NPAS3: variants seen among roughly 807,000 people sequenced by gnomAD.
NPAS3 encodes neuronal PAS domain-containing protein 3.
Under a neutral mutation model 73.1 loss-of-function variants are expected in NPAS3, and 14 were observed. The observed-to-expected ratio is 0.19, with a 90% CI of 0.13 to 0.30. The LOEUF (loss-of-function observed/expected upper bound fraction) is 0.30. Among genes scored for constraint, NPAS3 ranks in the 10% least tolerant of loss-of-function variants. NPAS3 has a pLI of 1.00. For synonymous variants in NPAS3, 620 were observed against 541.5 expected, an observed-to-expected ratio of 1.14 and a Z score of -2.01; for missense variants, 1,096 against 1,250.0, an observed-to-expected ratio of 0.88 and a Z score of 1.86.
rs529154707 is a variant in NPAS3 at position 33,740,170 on chromosome 14, G to A, written c.852+4838G>A. 3.3e-5 allele frequency among the ~76,000 whole-genome samples: 5 copies of A among 152,172 alleles called. No individual in the cohort carries two copies. The South Asian group carries it at 1.0e-3, about 32-fold the overall frequency. On this transcript the variant is annotated intron_variant, in intron 7 of 11. Transcript: ENST00000356141. ...AGGCATCTTTTTTCCATTTTATGATGTACTTTCATATAATATCATCTGAAC... is the reference window on the plus strand; with the variant it reads ...AGGCATCTTTTTTCCATTTTATGATATACTTTCATATAATATCATCTGAAC...
chr14:33,381,848 T>C (rs1436517532), intron 4 of NPAS3, among the ~76,000 whole-genome samples: 1 of 152,116 alleles, frequency 6.6e-6, no homozygotes, highest in Non-Finnish European at 1.5e-5. Context: ...TTGAGGAAAA[T>C]GACATGGCTC....
At chr14:33,612,754 A>T (rs1026014885) in intron 5 of NPAS3, among the ~76,000 whole-genome samples, 1 of 152,212 alleles carries the variant, frequency 6.6e-6, no homozygotes, top group Non-Finnish European at 1.5e-5. Context: ...TCCCTCCCGT[A>T]AACTGGTGAT....
intron 5 of NPAS3, among the ~76,000 whole-genome samples, chr14:33,622,015 G>T (rs1431417855): frequency 1.3e-5 from 2 of 152,284 alleles, no homozygotes; most frequent in Non-Finnish European, 2.9e-5. Flanking sequence ...AAATTTTAAT[G>T]ACTCTGAAAG....
At chr14:33,662,375 A>G (rs762282822) in intron 5 of NPAS3, among the ~76,000 whole-genome samples, 11 of 152,236 alleles carry the variant, frequency 7.2e-5, no homozygotes, top group Non-Finnish European at 1.5e-5. Context: ...TGGTCAAGTA[A>G]AAAGACAACA....
rs368197781 is a variant in NPAS3 at position 33,571,278 on chromosome 14, A to C, written c.558+11068A>C. Among the ~76,000 whole-genome samples, 64 of 152,274 alleles carry C rather than the reference A, an allele frequency of 4.2e-4. 1 individual carries two copies. Among genetic ancestry groups the C allele is most frequent in the African/African-American group, 1.5e-3 (63 of 41,560 alleles). Reference sequence around the variant, plus strand: ...CTTCATTTTTCTTAAGTGTGAAACGAAAGGGCAATTTCTCAGGCTCCTTCT... The same window carrying C: ...CTTCATTTTTCTTAAGTGTGAAACGCAAGGGCAATTTCTCAGGCTCCTTCT... On this transcript the variant is annotated intron_variant, in intron 5 of 11. Transcript: ENST00000356141.
Position 33,784,751 on chromosome 14 carries a change from T to TTTTTTA in NPAS3, c.1153+6184_1153+6185insATTTTT, listed in dbSNP as rs1555333521. 8.2e-3 allele frequency among the ~76,000 whole-genome samples: 946 copies of TTTTTTA among 114,762 alleles called. 33 individuals carry two copies. The highest frequency in any genetic ancestry group is 0.035 in the African/African-American group (899 of 25,798). 75.3% of individuals were successfully genotyped at this position (114,762 alleles called of 152,430 possible). A position where few individuals can be genotyped will look rare whatever the true frequency, so the allele number is the denominator to read the frequency against. On this transcript the variant is annotated intron_variant, in intron 9 of 11. Coordinates refer to ENST00000356141, the Ensembl canonical transcript of NPAS3. ...TTTATTTATTTATTTATTTATTTTT[T>TTTTTTA]TTTTTTTTTTTTTTTTGAGACAGAG...
intron 2 of NPAS3, among the ~76,000 whole-genome samples, chr14:33,078,732 A>G (rs2041760453): frequency 6.6e-6 from 1 of 152,188 alleles, no homozygotes; most frequent in Non-Finnish European, 1.5e-5. Flanking sequence ...GGTAGAAGAA[A>G]TTCTTGGAGA....
intron 4 of NPAS3, among the ~76,000 whole-genome samples, chr14:33,556,514 A>G (rs1218925683): frequency 3.3e-5 from 5 of 152,218 alleles, no homozygotes; most frequent in African/African-American, 1.2e-4. Context: ...ACTGGATTTC[A>G]TAAATCTTGA....
At chr14:33,247,347 A>G (rs1453365768) in intron 3 of NPAS3, among the ~76,000 whole-genome samples, 1 of 152,214 alleles carries the variant, frequency 6.6e-6, no homozygotes, top group Non-Finnish European at 1.5e-5. Flanking sequence ...CTGATTATGA[A>G]TAGACGGTAT....
chr14:33,624,976 A>C (rs1268082676), intron 5 of NPAS3, among the ~76,000 whole-genome samples: 1 of 152,200 alleles, frequency 6.6e-6, no homozygotes, highest in Non-Finnish European at 1.5e-5. Flanking sequence ...GTATTATATT[A>C]AATTAGTGGT....
intron 1 of NPAS3, among the ~76,000 whole-genome samples, chr14:32,986,984 G>T (rs2139439199): frequency 6.6e-6 from 1 of 152,314 alleles, no homozygotes; most frequent in Non-Finnish European, 1.5e-5. Flanking sequence ...TGTTTTCAGT[G>T]CAGAGGGCTT....
chr14:33,045,912 T>G (rs973784518), intron 1 of NPAS3, among the ~76,000 whole-genome samples: 1 of 152,152 alleles, frequency 6.6e-6, no homozygotes. Flanking sequence ...ATATAGAGGA[T>G]CTGGACCATA....
chr14:33,499,099 C>T (rs901789634), intron 4 of NPAS3, among the ~76,000 whole-genome samples: 30 of 151,650 alleles, frequency 2.0e-4, no homozygotes, highest in Non-Finnish European at 3.1e-4. Context: ...AAGTCATTAA[C>T]ACTGTAGGAA....
chr14:33,028,844 G>A (rs189247168), intron 1 of NPAS3, among the ~76,000 whole-genome samples: 64 of 152,276 alleles, frequency 4.2e-4, no homozygotes, highest in African/African-American at 1.5e-3. Flanking sequence ...TTTCATTTAA[G>A]TTCCAGTATA....
intron 4 of NPAS3, among the ~76,000 whole-genome samples, chr14:33,490,489 C>T (rs1315575515): frequency 1.3e-5 from 2 of 152,058 alleles, no homozygotes; most frequent in African/African-American, 2.4e-5. Flanking sequence ...TTGTTAATGC[C>T]GTTCATTAAT....
intron 2 of NPAS3, among the ~76,000 whole-genome samples, chr14:33,091,806 G>T (rs1289983245): frequency 6.6e-6 from 1 of 152,080 alleles, no homozygotes; most frequent in African/African-American, 2.4e-5. Flanking sequence ...GGGATTCAAG[G>T]CTGGTTCAAC....
At chr14:32,954,838 T>C (rs1233535619) in intron 1 of NPAS3, among the ~76,000 whole-genome samples, 1 of 152,172 alleles carries the variant, frequency 6.6e-6, no homozygotes, top group Non-Finnish European at 1.5e-5. Flanking sequence ...ATAAATAGGT[T>C]GACCAAAAGT....
intron 1 of NPAS3, among the ~76,000 whole-genome samples, chr14:32,968,776 T>TTA (rs2037298277): frequency 6.6e-6 from 1 of 151,150 alleles, no homozygotes. Context: ...TTCTTTCTTT[T>TTA]TTTTTTTTTA....
At chr14:33,457,367 A>G (rs542081975) in intron 4 of NPAS3, among the ~76,000 whole-genome samples, 3 of 152,356 alleles carry the variant, frequency 2.0e-5, no homozygotes, top group South Asian at 2.1e-4. Flanking sequence ...AACACATGTT[A>G]GAGAATGAAA....
Sources: gnomAD v4.1 joint callset for allele counts (sites outside exome capture counted in the v4.1 genomes callset) on GRCh38, gnomAD v4.1.1 for gene constraint, MANE v1.5 for transcripts, NCBI Gene and HGNC (gene_info 2026-07-23, HGNC 2026-07-21) for gene names.